KLHL6: variants seen among roughly 807,000 people sequenced by gnomAD.
KLHL6 encodes kelch-like protein 6.
A neutral mutation model predicts 58.6 loss-of-function variants in KLHL6; 41 were observed. That is an observed-to-expected ratio of 0.70 (90% CI 0.55 to 0.91). The LOEUF is 0.91. Ranked by LOEUF, KLHL6 falls within the 40% of genes least tolerant of loss-of-function variation. The probability of loss-of-function intolerance (pLI) is 0.00; values close to 1 mark genes in which losing one functional copy is unlikely to be tolerated. For synonymous variants in KLHL6, 338 were observed against 322.7 expected, an observed-to-expected ratio of 1.05 and a Z score of -0.51; for missense variants, 714 against 805.6, an observed-to-expected ratio of 0.89 and a Z score of 1.38.
In KLHL6 at chr3:183,528,017, G is replaced by A; in HGVS notation, c.294-7C>T. ...ATCGTTGCAGAACATGGCCCTGGAAGAGAAATGTGTGAATGTGAATCGTGC... is the reference window on the plus strand; with the variant it reads ...ATCGTTGCAGAACATGGCCCTGGAAAAGAAATGTGTGAATGTGAATCGTGC... On this transcript the variant is annotated splice_polypyrimidine_tract_variant and splice_region_variant and intron_variant, in intron 1 of 6. Transcript: ENST00000341319. The A allele has an allele frequency of 1.2e-6, 2 of 1,613,998 alleles. No homozygotes were observed. Among genetic ancestry groups the A allele is most frequent in the South Asian group, 2.2e-5 (2 of 91,070 alleles).
intron 2 of KLHL6, among the ~76,000 whole-genome samples, chr3:183,515,272 G>A (rs1000879373): frequency 2.0e-5 from 3 of 152,186 alleles, no homozygotes; most frequent in Non-Finnish European, 4.4e-5. Flanking sequence ...TAAGGGCTGG[G>A]CACAATGGCT....
At chr3:183,509,865 A>G (rs1386861985) in intron 2 of KLHL6, among the ~76,000 whole-genome samples, 3 of 152,124 alleles carry the variant, frequency 2.0e-5, no homozygotes, top group Non-Finnish European at 2.9e-5. Flanking sequence ...AAGGTATGAC[A>G]CTCTAAGAAG....
intron 3 of KLHL6, among the ~76,000 whole-genome samples, chr3:183,501,068 C>T (rs1007012543): frequency 8.5e-5 from 13 of 152,192 alleles, no homozygotes; most frequent in Non-Finnish European, 1.3e-4. Flanking sequence ...GGCTGGACCA[C>T]GGCCGTAAAG....
chr3:183,508,087 G>A lies in KLHL6; in HGVS notation c.881C>T (p.Ala294Val), dbSNP rs776376760. ...ATTGCCAGAAAGGTGGTACATCCTG[G>A]CTTCCTGGAGCAGCGGGAAGACCTC... ...CPEVFPLLQE[A>V]RMYHLSGNEI... The change falls in exon 3 of 7, where the codon GCC (alanine) becomes GTC (valine). Residue 294 changes from alanine (A) to valine (V), a missense_variant. Ala to Val is a moderately conservative substitution (Grantham distance 64). This residue lies in a region of KLHL6 where 510 missense variants were observed against 629.7 expected (regional missense o/e 0.81). Transcript: ENST00000341319. The A allele has an allele frequency of 1.9e-6, 3 of 1,614,070 alleles. No homozygotes were observed. The Admixed American group carries it at 5.0e-5, about 27-fold the overall frequency.
At chr3:183,546,792 T>C (rs895168680) in intron 1 of KLHL6, among the ~76,000 whole-genome samples, 2 of 152,180 alleles carry the variant, frequency 1.3e-5, no homozygotes, top group South Asian at 2.1e-4. Flanking sequence ...TAGACGTAAA[T>C]TGTTAGCCTC....
At chr3:183,542,298 T>C (rs183869773) in intron 1 of KLHL6, among the ~76,000 whole-genome samples, 43 of 152,290 alleles carry the variant, frequency 2.8e-4, no homozygotes, top group African/African-American at 9.9e-4. Flanking sequence ...CTTCCCACTA[T>C]CTGTAAGTCA....
At chr3:183,552,282 G>A (rs1420373997) in intron 1 of KLHL6, 1 of 152,214 alleles carries the variant, frequency 6.6e-6, no homozygotes, top group African/African-American at 2.4e-5. Flanking sequence ...TAGTCCAGAT[G>A]TCTGTCCGTA....
intron 2 of KLHL6, among the ~76,000 whole-genome samples, chr3:183,527,023 C>T (rs1442069858): frequency 1.3e-5 from 2 of 151,642 alleles, no homozygotes; most frequent in East Asian, 1.9e-4. Flanking sequence ...CGCTTAAACC[C>T]GGGAGGCAGA....
chr3:183,513,628 A>C lies in KLHL6; in HGVS notation c.460-5120T>G, dbSNP rs1396388295. Among the ~76,000 whole-genome samples, 8 of 152,326 alleles carry C rather than the reference A, an allele frequency of 5.3e-5. No individual in the cohort carries two copies. The South Asian group carries it at 6.2e-4, about 12-fold the overall frequency. Reference sequence around the variant, plus strand: ...TACTGAAGCTCACATTTGTTAGAAGAAGCATTGATCTTCACTCCACCTGGC... The same window carrying C: ...TACTGAAGCTCACATTTGTTAGAAGCAGCATTGATCTTCACTCCACCTGGC... On this transcript the variant is annotated intron_variant, in intron 2 of 6. Coordinates refer to ENST00000341319, the MANE Select transcript of KLHL6 (RefSeq NM_130446.4).
rs540498652 is a variant in KLHL6, at chr3:183,540,830, C to T, written c.294-12820G>A. 3.9e-5 allele frequency among the ~76,000 whole-genome samples: 6 copies of T among 152,354 alleles called. No individual in the cohort carries two copies. In the East Asian group the frequency reaches 1.2e-3, roughly 29 times the overall value. On this transcript the variant is annotated intron_variant, in intron 1 of 6. Transcript: ENST00000341319. ...CCTCCTTCCTGAAGATGAAACCTGGCTTCCCCTAACAAAACCCCACTTCCC... is the reference window on the plus strand; with the variant it reads ...CCTCCTTCCTGAAGATGAAACCTGGTTTCCCCTAACAAAACCCCACTTCCC...
Position 183,527,994 on chromosome 3 carries a change from C to G in KLHL6, c.310G>C (p.Asp104His), listed in dbSNP as rs541580197. 1 of 1,614,042 alleles carries G rather than the reference C, an allele frequency of 6.2e-7. No individual in the cohort carries two copies. The highest frequency in any genetic ancestry group is 2.2e-5 in the East Asian group (1 of 44,872). The change falls in exon 2 of 7, where the codon GAT becomes CAT. Residue 104 changes from aspartate (D) to histidine (H), a missense_variant. Coordinates refer to ENST00000341319, the MANE Select transcript of KLHL6 (RefSeq NM_130446.4). ...CTTTTCTCATACTTTTCCTTTAAAT[C>G]GTTGCAGAACATGGCCCTGGAAGAG... Reference protein sequence around the residue: ...SNYFRAMFCNDLKEKYEKRII... With the variant: ...SNYFRAMFCNHLKEKYEKRII...
chr3:183,499,710 G>A lies in KLHL6; in HGVS notation c.1027C>T (p.Leu343=), dbSNP rs1424410126. 3 of 1,611,020 alleles carry A rather than the reference G, an allele frequency of 1.9e-6. No homozygotes were observed. The highest frequency in any genetic ancestry group is 1.7e-6 in the Non-Finnish European group (2 of 1,178,774). The change falls in exon 4 of 7, where the codon CTG becomes TTG. Residue 343 remains leucine, a synonymous_variant. Transcript: ENST00000341319. The surrounding 1 kb of genome is among the most constrained non-coding windows in gnomAD (Gnocchi z 4.6). ...FVAEVTCLDP[L]RRSRLEVAKL... is the part of the protein sequence containing the mutation. ...GCCACCTCCAGGCGGCTGCGCCTCA[G>A]GGGGTCCAGGCAGGTCACCTCTGCC...
rs770754119 is a variant in KLHL6, at chr3:183,494,214, C to T, written c.1215G>A (p.Glu405=). The T allele has an allele frequency of 6.8e-6, 11 of 1,614,110 alleles. No individual in the cohort carries two copies. The highest frequency in any genetic ancestry group is 9.3e-6 in the Non-Finnish European group (11 of 1,179,962). The part of the protein sequence containing the change: ...NSSINKWIQI[E]YLNIGRWRHK... ...GCCTCCAGCGGCCTATGTTTAAATACTCAATCTGAATCCACTTGTTGATCG... is the reference window on the plus strand; with the variant it reads ...GCCTCCAGCGGCCTATGTTTAAATATTCAATCTGAATCCACTTGTTGATCG... Residue 405 remains glutamate, a synonymous_variant, in exon 5 of 7, where the codon GAG becomes GAA. Coordinates refer to ENST00000341319, the MANE Select transcript of KLHL6 (RefSeq NM_130446.4).
At position 183,492,701 on chromosome 3, in the gene KLHL6, G is replaced by T; in HGVS notation, c.1357C>A (p.Pro453Thr). ...AAGGAACTGACATGGACAAGGAGGG[G>T]TGCGGCCTGTAGAGGCACAGGGCAC... Reference protein sequence around the residue: ...PFHNCWSEAAPLLVHVSSFAA... With the variant: ...PFHNCWSEAATLLVHVSSFAA... The change falls in exon 6 of 7, where the codon CCC becomes ACC. Residue 453 changes from proline (P) to threonine (T), a missense_variant. By Grantham distance (38) the Pro-to-Thr change is conservative. Coordinates refer to ENST00000341319, the MANE Select transcript of KLHL6 (RefSeq NM_130446.4). The surrounding 1 kb of genome is among the most constrained non-coding windows in gnomAD (Gnocchi z 5.9). The T allele has an allele frequency of 6.2e-7, 1 of 1,613,186 alleles. No individual in the cohort carries two copies. Among genetic ancestry groups the T allele is most frequent in the Non-Finnish European group, 8.5e-7 (1 of 1,180,010 alleles).
chr3:183,490,611 C>G lies in KLHL6; in HGVS notation c.*1316G>C, dbSNP rs944487773. The stretch of plus-strand genomic sequence containing the variant: ...CACAAGGTCAGGCGTTCAAGACCAG[C>G]CTGGCCAAGATGGTGAAACCCCGTC... On this transcript the variant is annotated 3_prime_UTR_variant, in exon 7 of 7. Coordinates refer to ENST00000341319, the MANE Select transcript of KLHL6 (RefSeq NM_130446.4). 1 of 152,048 alleles carries G rather than the reference C, an allele frequency of 6.6e-6. No individual in the cohort carries two copies. The highest frequency in any genetic ancestry group is 1.5e-5 in the Non-Finnish European group (1 of 68,042). The allele number at this position is 152,048 out of a possible 1,614,324, so 9.4% of individuals were successfully genotyped here. A position where few individuals can be genotyped will look rare whatever the true frequency, so the allele number is the denominator to read the frequency against.
rs1444733866 is a variant in KLHL6 at position 183,492,890 on chromosome 3, C to G, written c.1351-183G>C. ...AAGAATGAAAGCATGCATTTCCCAC[C>G]CTCCCTCCAGGCTCCACGCAAGCTA... On this transcript the variant is annotated intron_variant, in intron 5 of 6. Transcript: ENST00000341319. The surrounding 1 kb of genome is among the most constrained non-coding windows in gnomAD (Gnocchi z 5.9). 3.4e-6 allele frequency: 2 copies of G among 589,428 alleles called. No individual in the cohort carries two copies. Among genetic ancestry groups the G allele is most frequent in the East Asian group, 2.9e-5 (1 of 34,598 alleles). 36.5% of individuals were successfully genotyped at this position (589,428 alleles called of 1,614,324 possible).
chr3:183,555,314 T>C (rs1354392126), intron 1 of KLHL6, 47 bp downstream of exon 1: 1 of 1,564,864 alleles, frequency 6.4e-7, no homozygotes, highest in Non-Finnish European at 8.8e-7. Context: ...ACACACCTCT[T>C]CCTTGCAACT....
At chr3:183,494,366 G>T (rs1717659706) in intron 4 of KLHL6, 85 bp from the exon 5 acceptor site, 1 of 1,187,300 alleles carries the variant, frequency 8.4e-7, no homozygotes, top group Non-Finnish European at 1.2e-6. Context: ...GTCCAAAAGT[G>T]CCAGGTCCCC....
Position 183,508,101 on chromosome 3 carries a change from C to G in KLHL6, c.867G>C (p.Pro289=). 1 of 1,614,122 alleles carries G rather than the reference C, an allele frequency of 6.2e-7. No individual in the cohort carries two copies. Among genetic ancestry groups the G allele is most frequent in the Non-Finnish European group, 8.5e-7 (1 of 1,180,010 alleles). ...PLIRQCPEVF[P]LLQEARMYHL... Reference sequence around the variant, plus strand: ...GGTACATCCTGGCTTCCTGGAGCAGCGGGAAGACCTCTGGGCACTGCCTGA... The same window carrying G: ...GGTACATCCTGGCTTCCTGGAGCAGGGGGAAGACCTCTGGGCACTGCCTGA... Residue 289 remains proline, a synonymous_variant, in exon 3 of 7, where the codon CCG becomes CCC. Coordinates refer to ENST00000341319, the MANE Select transcript of KLHL6 (RefSeq NM_130446.4).
Sources: gnomAD v4.1 joint callset for allele counts (sites outside exome capture counted in the v4.1 genomes callset) on GRCh38, gnomAD v4.1.1 for gene constraint, gnomAD v4.1.1 regional missense constraint, Gnocchi (gnomAD v3.1) non-coding constraint, MANE v1.5 for transcripts, NCBI Gene and HGNC (gene_info 2026-07-23, HGNC 2026-07-21) for gene names.